Variants in DCUN1D1 observed in about 807,000 individuals in gnomAD.
DCUN1D1 encodes the protein DCN1-like protein 1.
Under a neutral mutation model 39.0 loss-of-function variants are expected in DCUN1D1, and 3 were observed. The ratio of observed to expected loss-of-function variants is 0.08; its 90% CI spans 0.04 to 0.20. The LOEUF (loss-of-function observed/expected upper bound fraction) is 0.20, where lower values mean the gene tolerates loss of function less well. Ranked by LOEUF, DCUN1D1 falls within the 10% of genes least tolerant of loss-of-function variation. The probability of loss-of-function intolerance (pLI) is 1.00; values close to 1 mark genes in which losing one functional copy is unlikely to be tolerated. For synonymous variants in DCUN1D1, 82 were observed against 96.3 expected, an observed-to-expected ratio of 0.85 and a Z score of 0.87; for missense variants, 158 against 302.4, an observed-to-expected ratio of 0.52 and a Z score of 3.54.
At chr3:182,958,599 A>G (rs1727216823) in intron 4 of DCUN1D1, among the ~76,000 whole-genome samples, 1 of 152,196 alleles carries the variant, frequency 6.6e-6, no homozygotes, top group African/African-American at 2.4e-5. Flanking sequence ...AAGTACATTC[A>G]CATTGCTGTG....
rs368880409 is a variant in DCUN1D1, at chr3:182,938,623, T to C, written c.*6471A>G. 4 of 152,304 alleles carry C rather than the reference T, an allele frequency of 2.6e-5. No homozygotes were observed. The highest frequency in any genetic ancestry group is 2.1e-4 in the South Asian group (1 of 4,828). 9.4% of individuals were successfully genotyped at this position (152,304 alleles called of 1,614,324 possible). On this transcript the variant is annotated 3_prime_UTR_variant, in exon 7 of 7. Transcript: ENST00000292782. ...ATGTTAACATGAGTTCATTATGCAA[T>C]TGTCCTTTTACATATACCTGACATA...
Position 182,940,776 on chromosome 3 carries a change from A to G in DCUN1D1, c.*4318T>C, listed in dbSNP as rs1245572464. The stretch of plus-strand genomic sequence containing the variant: ...ATGATTTCTGCACAGCATGATGGCA[A>G]AAAATAAAAAAGAAAACAATCATGA... On this transcript the variant is annotated 3_prime_UTR_variant, in exon 7 of 7. Transcript: ENST00000292782. 1 of 152,218 alleles carries G rather than the reference A, an allele frequency of 6.6e-6. No homozygotes were observed. Among genetic ancestry groups the G allele is most frequent in the Admixed American group, 6.5e-5 (1 of 15,270 alleles). The allele number at this position is 152,218 out of a possible 1,614,324, so 9.4% of individuals were successfully genotyped here. A position where few individuals can be genotyped will look rare whatever the true frequency, so the allele number is the denominator to read the frequency against.
intron 4 of DCUN1D1, among the ~76,000 whole-genome samples, chr3:182,959,520 A>C (rs944215860): frequency 2.0e-5 from 3 of 151,310 alleles, no homozygotes; most frequent in East Asian, 3.9e-4. Flanking sequence ...AAAAAAAAAA[A>C]AAAAAACCTC....
chr3:182,955,587 A>AG (rs1232525612), intron 4 of DCUN1D1: 2 of 476,598 alleles, frequency 4.2e-6, no homozygotes, highest in African/African-American at 4.8e-5. Context: ...CTCCATCAGG[A>AG]GGGTTTTTTT....
chr3:182,960,294 A>C (rs1429180291), intron 4 of DCUN1D1, among the ~76,000 whole-genome samples: 4 of 152,196 alleles, frequency 2.6e-5, no homozygotes, highest in Admixed American at 2.6e-4. Flanking sequence ...AAAAAAAATA[A>C]AAACAAAATC....
At chr3:182,946,872 T>C (rs911566136) in intron 6 of DCUN1D1, among the ~76,000 whole-genome samples, 1 of 151,986 alleles carries the variant, frequency 6.6e-6, no homozygotes, top group Admixed American at 6.6e-5. Flanking sequence ...TCCCAACACT[T>C]TGGGATGCCA....
chr3:182,956,445 G>C lies in DCUN1D1; in HGVS notation c.520+4781C>G, dbSNP rs536866365. 23 of 167,636 alleles carry C rather than the reference G, an allele frequency of 1.4e-4. No homozygotes were observed. In the South Asian group the frequency reaches 3.1e-3, roughly 22 times the overall value. The allele number at this position is 167,636 out of a possible 1,614,324, so 10.4% of individuals were successfully genotyped here. On this transcript the variant is annotated intron_variant, in intron 4 of 6. Transcript: ENST00000292782. The stretch of plus-strand genomic sequence containing the variant: ...CAGAATGTGGAGTCATAAGGCCTGA[G>C]ATCTAGTCTCAGTGCCAGTCCAACC...
intron 3 of DCUN1D1, 25 bp from the exon 4 acceptor site, chr3:182,961,381 A>G (rs745366157): frequency 1.9e-6 from 3 of 1,560,108 alleles, no homozygotes; most frequent in East Asian, 4.6e-5. Flanking sequence ...TAAGTTTATA[A>G]AAGATTAACT....
intron 4 of DCUN1D1, among the ~76,000 whole-genome samples, chr3:182,950,438 G>A (rs991814475): frequency 2.6e-5 from 4 of 151,800 alleles, no homozygotes; most frequent in Admixed American, 6.6e-5. Context: ...GAGCCACCGC[G>A]CCCAGCCAAG....
At chr3:182,967,679 T>C (rs902096674) in intron 1 of DCUN1D1, among the ~76,000 whole-genome samples, 1 of 152,218 alleles carries the variant, frequency 6.6e-6, no homozygotes, top group Admixed American at 6.5e-5. Context: ...GCACATCAGA[T>C]AAGTCATATC....
intron 3 of DCUN1D1, 21 bp downstream of exon 3, chr3:182,963,860 C>T (rs115037115): frequency 5.9e-5 from 91 of 1,533,806 alleles, no homozygotes; most frequent in Non-Finnish European, 8.9e-7. Flanking sequence ...ATCTAATTTC[C>T]TATTGTAATT....
intron 2 of DCUN1D1, among the ~76,000 whole-genome samples, chr3:182,964,335 C>T (rs1210405478): frequency 6.6e-6 from 1 of 152,066 alleles, no homozygotes; most frequent in African/African-American, 2.4e-5. Flanking sequence ...ATCAGACATT[C>T]GTATATAGGG....
At chr3:182,959,252 G>T (rs984606696) in intron 4 of DCUN1D1, among the ~76,000 whole-genome samples, 2 of 152,058 alleles carry the variant, frequency 1.3e-5, no homozygotes, top group Non-Finnish European at 2.9e-5. Context: ...CTTTATTATT[G>T]AGAATTTCGC....
rs888375144 is a variant in DCUN1D1 at position 182,938,160 on chromosome 3, C to T, written c.*6934G>A. On this transcript the variant is annotated 3_prime_UTR_variant, in exon 7 of 7. Transcript: ENST00000292782. Reference sequence around the variant, plus strand: ...ACTACATTAACTTGAAAAATATATTCGTTAGAATTTTTTTATTAAGTACAT... The same window carrying T: ...ACTACATTAACTTGAAAAATATATTTGTTAGAATTTTTTTATTAAGTACAT... 9.2e-5 allele frequency: 14 copies of T among 151,806 alleles called. No individual in the cohort carries two copies. The highest frequency in any genetic ancestry group is 1.3e-4 in the Non-Finnish European group (9 of 67,952). 9.4% of individuals were successfully genotyped at this position (151,806 alleles called of 1,614,324 possible).
At chr3:182,953,167 C>G (rs970011061) in intron 4 of DCUN1D1, among the ~76,000 whole-genome samples, 1 of 152,128 alleles carries the variant, frequency 6.6e-6, no homozygotes, top group African/African-American at 2.4e-5. Flanking sequence ...AAACTATACC[C>G]TTTTTGAAGG....
intron 3 of DCUN1D1, among the ~76,000 whole-genome samples, chr3:182,962,532 G>A (rs1006592490): frequency 2.0e-5 from 3 of 152,150 alleles, no homozygotes; most frequent in Non-Finnish European, 2.9e-5. Flanking sequence ...TCTCCAGGCA[G>A]TTTTTTCACC....
At chr3:182,956,517 T>G (rs1317908688) in intron 4 of DCUN1D1, among the ~76,000 whole-genome samples, 1 of 152,238 alleles carries the variant, frequency 6.6e-6, no homozygotes, top group Non-Finnish European at 1.5e-5. Context: ...TCTCTGGCTA[T>G]GAGTTTCCTC....
intron 4 of DCUN1D1, among the ~76,000 whole-genome samples, chr3:182,952,880 C>T (rs1384223662): frequency 1.3e-5 from 2 of 152,248 alleles, no homozygotes; most frequent in South Asian, 2.1e-4. Flanking sequence ...ACCAATCTCT[C>T]TTCTAGTTCA....
chr3:182,959,383 A>G (rs1028689539), intron 4 of DCUN1D1, among the ~76,000 whole-genome samples: 64 of 151,768 alleles, frequency 4.2e-4, no homozygotes, highest in African/African-American at 1.5e-3. Context: ...CACTTCCTCA[A>G]TCTAATCCGT....
Sources: allele counts gnomAD v4.1 joint callset (sites outside exome capture counted in the v4.1 genomes callset), GRCh38; gene constraint gnomAD v4.1.1; transcripts MANE v1.5; gene names NCBI Gene and HGNC (gene_info 2026-07-23, HGNC 2026-07-21).